The following BCO1 variants were observed in gnomAD, a reference collection of about 807,000 sequenced individuals.
BCO1 encodes the protein beta-carotene oxygenase 1, also known as beta,beta-carotene 15,15'-dioxygenase.
In BCO1, 54 loss-of-function variants were observed where a neutral mutation model predicts 56.3. The observed-to-expected ratio is 0.96, with a 90% CI of 0.77 to 1.20. The LOEUF (loss-of-function observed/expected upper bound fraction) is 1.20. Among genes scored for constraint, BCO1 ranks in the 50% most tolerant of loss-of-function variants. The pLI, the probability that BCO1 is intolerant of heterozygous loss-of-function variation, is 0.00. For synonymous variants in BCO1, 318 were observed against 266.1 expected, an observed-to-expected ratio of 1.20 and a Z score of -1.90; for missense variants, 801 against 690.9, an observed-to-expected ratio of 1.16 and a Z score of -1.79.
intron 2 of BCO1, 35 bp from the exon 3 acceptor site, chr16:81,259,641 G>A (rs367557029): frequency 8.9e-5 from 144 of 1,614,092 alleles, no homozygotes; most frequent in East Asian, 7.4e-4. Flanking sequence ...CTGTGAAGGC[G>A]TCAGCCTGAG....
At position 81,270,327 on chromosome 16, in the gene BCO1, G is replaced by T; in HGVS notation, c.1012G>T (p.Ala338Ser). Residue 338 changes from alanine (A) to serine (S), a missense_variant, in exon 7 of 11, where the codon GCC (alanine) becomes TCC (serine). Transcript: ENST00000258168. ...DNSLYQLFYL[A>S]NLNQDFKENS... ...CAGCCTCTACCAGCTCTTCTACCTG[G>T]CCAACCTGAACCAGGACTTCAAGGA... The T allele has an allele frequency of 6.2e-7, 1 of 1,614,034 alleles. No individual in the cohort carries two copies. The highest frequency in any genetic ancestry group is 8.5e-7 in the Non-Finnish European group (1 of 1,180,020).
At chr16:81,279,771 A>G (rs1442597924) in intron 7 of BCO1, among the ~76,000 whole-genome samples, 1 of 152,234 alleles carries the variant, frequency 6.6e-6, no homozygotes, top group Admixed American at 6.5e-5. Context: ...GATACTGAAC[A>G]CAGCAAAATC....
intron 2 of BCO1, among the ~76,000 whole-genome samples, chr16:81,250,321 C>T (rs961695006): frequency 2.0e-5 from 3 of 152,182 alleles, no homozygotes; most frequent in Admixed American, 6.5e-5. Context: ...TCCTGCCTCC[C>T]CATCTCTCCA....
chr16:81,289,649 A>AAAAC (rs1163163394), intron 10 of BCO1, among the ~76,000 whole-genome samples: 1 of 152,156 alleles, frequency 6.6e-6, no homozygotes, highest in Non-Finnish European at 1.5e-5. Flanking sequence ...TCAAAAAAGC[A>AAAAC]AAACAAACAA....
At chr16:81,241,778 T>G (rs1905127754) in intron 1 of BCO1, among the ~76,000 whole-genome samples, 1 of 152,192 alleles carries the variant, frequency 6.6e-6, no homozygotes, top group Non-Finnish European at 1.5e-5. Context: ...CCTAATCAGT[T>G]GGTGACATCC....
In BCO1 at chr16:81,246,850, C is replaced by CAA. The variant is rs71710906; in HGVS notation, c.193+1264_193+1265dup. Among the ~76,000 whole-genome samples the CAA allele has an allele frequency of 2.1e-3, 177 of 83,318 alleles. 3 individuals carry two copies. Among genetic ancestry groups the CAA allele is most frequent in the Middle Eastern group, 0.015 (2 of 136 alleles). 54.7% of individuals were successfully genotyped at this position (83,318 alleles called of 152,430 possible). A position where few individuals can be genotyped will look rare whatever the true frequency, so the allele number is the denominator to read the frequency against. Reference sequence around the variant, plus strand: ...TGGGAGACAGAGCCAGACTTTGTCTCAAAAAAAAAAAAAAAAAAGAAGAGT... The same window carrying CAA: ...TGGGAGACAGAGCCAGACTTTGTCTCAAAAAAAAAAAAAAAAAAAAGAAGAGT... On this transcript the variant is annotated intron_variant, in intron 2 of 10. Transcript: ENST00000258168.
chr16:81,265,765 A>G (rs1470541684), intron 5 of BCO1, among the ~76,000 whole-genome samples: 2 of 116,710 alleles, frequency 1.7e-5, no homozygotes, highest in Non-Finnish European at 3.7e-5. Context: ...TCTGCCATCC[A>G]TCCACTCATC....
intron 5 of BCO1, among the ~76,000 whole-genome samples, chr16:81,266,663 A>G (rs1597362477): frequency 6.6e-6 from 1 of 152,108 alleles, no homozygotes; most frequent in South Asian, 2.1e-4. Context: ...TGAGTTTGCC[A>G]CCTTGTATTA....
At chr16:81,264,837 T>G in intron 5 of BCO1, 50 bp downstream of exon 5, 2 of 1,604,860 alleles carry the variant, frequency 1.2e-6, no homozygotes, top group East Asian at 2.2e-5. Context: ...AAGTGTGGCT[T>G]CTTCTGAAGA....
intron 6 of BCO1, among the ~76,000 whole-genome samples, chr16:81,269,527 G>A (rs1440779479): frequency 1.3e-5 from 2 of 151,958 alleles, no homozygotes; most frequent in Admixed American, 1.3e-4. Context: ...GAATGCAATG[G>A]CACATTCTTG....
chr16:81,283,903 C>T (rs1293004635), intron 8 of BCO1, among the ~76,000 whole-genome samples: 1 of 151,466 alleles, frequency 6.6e-6, no homozygotes, highest in South Asian at 2.1e-4. Flanking sequence ...TACACATTTA[C>T]GGCCAAGCAC....
intron 1 of BCO1, among the ~76,000 whole-genome samples, chr16:81,239,643 G>C (rs1380644447): frequency 3.9e-5 from 6 of 152,136 alleles, no homozygotes. Flanking sequence ...GGGCGTGCAT[G>C]AGCTCCCACG....
intron 2 of BCO1, among the ~76,000 whole-genome samples, chr16:81,256,441 T>C (rs760569523): frequency 6.6e-6 from 1 of 152,154 alleles, no homozygotes; most frequent in African/African-American, 2.4e-5. Context: ...TGTGTTGTAA[T>C]TGTAGCAACA....
chr16:81,282,344 G>A (rs921163102), intron 8 of BCO1, among the ~76,000 whole-genome samples: 1 of 152,170 alleles, frequency 6.6e-6, no homozygotes, highest in African/African-American at 2.4e-5. Context: ...TTGCGCCACT[G>A]CACTCCAGCC....
intron 2 of BCO1, among the ~76,000 whole-genome samples, chr16:81,258,753 T>G (rs1437046493): frequency 6.6e-6 from 1 of 152,242 alleles, no homozygotes; most frequent in Non-Finnish European, 1.5e-5. Context: ...TATCACATTT[T>G]GCATTGCTAT....
chr16:81,286,808 G>T (rs1908208780), intron 9 of BCO1, among the ~76,000 whole-genome samples: 1 of 150,164 alleles, frequency 6.7e-6, no homozygotes, highest in Admixed American at 6.6e-5. Context: ...CGGGCGCGGT[G>T]GCTCACACCT....
intron 8 of BCO1, among the ~76,000 whole-genome samples, chr16:81,281,881 T>C (rs1265348573): frequency 6.6e-6 from 1 of 152,226 alleles, no homozygotes; most frequent in South Asian, 2.1e-4. Context: ...CAGCATCTCA[T>C]GGGAGCACCA....
At chr16:81,288,339 T>C (rs970778476) in intron 10 of BCO1, among the ~76,000 whole-genome samples, 17 of 152,320 alleles carry the variant, frequency 1.1e-4, no homozygotes, top group Non-Finnish European at 2.2e-4. Context: ...CATAGCTCAC[T>C]GCAGCCTCAA....
chr16:81,254,332 G>GTTTT (rs1567701683), intron 2 of BCO1, among the ~76,000 whole-genome samples: 3 of 103,690 alleles, frequency 2.9e-5, no homozygotes, highest in African/African-American at 1.1e-4. Context: ...TGTATTTTTA[G>GTTTT]TAGAGACAGG....
Sources: allele counts gnomAD v4.1 joint callset (sites outside exome capture counted in the v4.1 genomes callset), GRCh38; gene constraint gnomAD v4.1.1; transcripts MANE v1.5; gene names NCBI Gene and HGNC (gene_info 2026-07-23, HGNC 2026-07-21).